LASP1: variants seen among roughly 807,000 people sequenced by gnomAD.
LASP1 encodes the protein LIM and SH3 protein 1.
Under a neutral mutation model 38.6 loss-of-function variants are expected in LASP1, and 10 were observed. The observed-to-expected ratio is 0.26, with a 90% CI of 0.16 to 0.44. The LOEUF (loss-of-function observed/expected upper bound fraction) is 0.44. Ranked by LOEUF, LASP1 falls within the 20% of genes least tolerant of loss-of-function variation. LASP1 has a pLI of 1.00. For missense variants in LASP1, 243 were observed against 375.7 expected (o/e 0.65, Z 2.92); for synonymous variants, 132 against 140.8 (o/e 0.94, Z 0.44).
chr17:38,894,544 G>A (rs1157501344), intron 3 of LASP1, among the ~76,000 whole-genome samples: 1 of 152,156 alleles, frequency 6.6e-6, no homozygotes, highest in African/African-American at 2.4e-5. Context: ...AGGAGGATAT[G>A]TTAAGCATTT....
Position 38,920,021 on chromosome 17 carries a change from G to C in LASP1, c.*1243G>C. 1.9e-6 allele frequency: 1 copy of C among 535,598 alleles called. No homozygotes were observed. The highest frequency in any genetic ancestry group is 3.6e-6 in the Non-Finnish European group (1 of 276,774). The allele number at this position is 535,598 out of a possible 1,614,324, so 33.2% of individuals were successfully genotyped here. On this transcript the variant is annotated 3_prime_UTR_variant, in exon 7 of 7. Coordinates refer to ENST00000318008, the MANE Select transcript of LASP1 (RefSeq NM_006148.4). ...GTGAGAGGGGAGGGCTCCTGGGGCA[G>C]AGAAGTTCCTTAGGTTTTCTTTGGA...
At chr17:38,880,537 C>A (rs1407405505) in intron 2 of LASP1, among the ~76,000 whole-genome samples, 1 of 152,246 alleles carries the variant, frequency 6.6e-6, no homozygotes, top group Non-Finnish European at 1.5e-5. Flanking sequence ...GCTTTTGTAG[C>A]CCTAGCCTCT....
At chr17:38,882,428 A>G (rs1379648399) in intron 2 of LASP1, among the ~76,000 whole-genome samples, 3 of 151,952 alleles carry the variant, frequency 2.0e-5, no homozygotes, top group East Asian at 1.9e-4. Flanking sequence ...TTGTATTTTT[A>G]GTAGAGATGG....
chr17:38,878,047 C>T (rs1176228532), intron 1 of LASP1, 39 bp from the exon 2 acceptor site: 3 of 1,503,528 alleles, frequency 2.0e-6, no homozygotes, highest in Non-Finnish European at 2.8e-6. Flanking sequence ...TTTCAGAAGT[C>T]CTGGTATCTG....
Position 38,919,696 on chromosome 17 carries a change from C to T in LASP1, c.*918C>T, listed in dbSNP as rs932594317. 8 of 357,790 alleles carry T rather than the reference C, an allele frequency of 2.2e-5. No individual in the cohort carries two copies. The highest frequency in any genetic ancestry group is 4.3e-5 in the East Asian group (1 of 23,420). 22.2% of individuals were successfully genotyped at this position (357,790 alleles called of 1,614,324 possible). On this transcript the variant is annotated 3_prime_UTR_variant, in exon 7 of 7. Transcript: ENST00000318008. Reference sequence around the variant, plus strand: ...GCCCCCAGGATCTGGGTTAGGTGGCCGCTCCTCCCTGCTCCTCATGGGAAG... The same window carrying T: ...GCCCCCAGGATCTGGGTTAGGTGGCTGCTCCTCCCTGCTCCTCATGGGAAG...
intron 4 of LASP1, among the ~76,000 whole-genome samples, chr17:38,900,712 A>T (rs985309098): frequency 5.3e-5 from 8 of 152,092 alleles, no homozygotes; most frequent in African/African-American, 1.9e-4. Context: ...ACTTACTGTG[A>T]ATGGGTTTTG....
intron 3 of LASP1, among the ~76,000 whole-genome samples, chr17:38,896,006 G>A (rs1206477767): frequency 1.3e-5 from 2 of 152,084 alleles, no homozygotes; most frequent in Non-Finnish European, 2.9e-5. Context: ...CCTGGCCTGA[G>A]CGACAACTGG....
intron 3 of LASP1, among the ~76,000 whole-genome samples, chr17:38,895,882 C>A (rs1914475006): frequency 6.6e-6 from 1 of 152,134 alleles, no homozygotes; most frequent in Non-Finnish European, 1.5e-5. Flanking sequence ...CAGTCCTGGG[C>A]CTGACAGCAG....
chr17:38,908,504 G>T (rs1288581064), intron 4 of LASP1, among the ~76,000 whole-genome samples: 1 of 152,242 alleles, frequency 6.6e-6, no homozygotes, highest in East Asian at 1.9e-4. Context: ...CCCAGCGGAT[G>T]CTGGGGTCGG....
chr17:38,896,666 C>T (rs775171328), intron 3 of LASP1, among the ~76,000 whole-genome samples: 24 of 152,230 alleles, frequency 1.6e-4, no homozygotes, highest in African/African-American at 2.7e-4. Flanking sequence ...CTCCACAGTG[C>T]GCTGCTGCTT....
At chr17:38,906,527 A>AAAATAAATAAAT (rs60650093) in intron 4 of LASP1, among the ~76,000 whole-genome samples, 18 of 151,236 alleles carry the variant, frequency 1.2e-4, no homozygotes, top group African/African-American at 4.4e-4. Context: ...AGACTGTCTC[A>AAAATAAATAAAT]AAATAAATAA....
At chr17:38,873,283 C>G (rs1254060025) in intron 1 of LASP1, among the ~76,000 whole-genome samples, 1 of 152,126 alleles carries the variant, frequency 6.6e-6, no homozygotes, top group African/African-American at 2.4e-5. Context: ...GTTTTGCTAG[C>G]TGAAGCTTAG....
chr17:38,892,379 C>T (rs1439112611), intron 3 of LASP1, among the ~76,000 whole-genome samples: 1 of 152,158 alleles, frequency 6.6e-6, no homozygotes, highest in Non-Finnish European at 1.5e-5. Context: ...GCTGAAGTTA[C>T]TAGGAAGCAG....
intron 2 of LASP1, among the ~76,000 whole-genome samples, chr17:38,884,934 G>A (rs900213330): frequency 1.3e-5 from 2 of 152,052 alleles, no homozygotes; most frequent in African/African-American, 2.4e-5. Flanking sequence ...CAGATGATCC[G>A]CCCGCTTCGG....
chr17:38,893,767 A>G (rs1257681869), intron 3 of LASP1, among the ~76,000 whole-genome samples: 2 of 152,120 alleles, frequency 1.3e-5, no homozygotes, highest in Non-Finnish European at 2.9e-5. Flanking sequence ...GGAAGGGCTG[A>G]GCCGGCCAGG....
intron 2 of LASP1, among the ~76,000 whole-genome samples, chr17:38,888,427 G>A (rs1285797382): frequency 2.0e-5 from 3 of 151,992 alleles, no homozygotes; most frequent in East Asian, 1.9e-4. Context: ...ACAGCTATGC[G>A]CCACGGTGCC....
chr17:38,887,673 G>A (rs988363114), intron 2 of LASP1, among the ~76,000 whole-genome samples: 4 of 152,148 alleles, frequency 2.6e-5, no homozygotes, highest in Admixed American at 1.3e-4. Context: ...ATCTGGATCC[G>A]GGACAGTGAA....
At position 38,919,810 on chromosome 17, in the gene LASP1, T is replaced by TC. The variant is rs2143842949; in HGVS notation, c.*1034dup. On this transcript the variant is annotated 3_prime_UTR_variant, in exon 7 of 7. Coordinates refer to ENST00000318008, the MANE Select transcript of LASP1 (RefSeq NM_006148.4). ...CAAAGTCAGCAGGGACCACTAAATC[T>TC]CCAAGACCTGGTGTGCGGAGGCAGG... is the stretch of plus-strand genomic sequence containing the variant. 1 of 440,174 alleles carries TC rather than the reference T, an allele frequency of 2.3e-6. No individual in the cohort carries two copies. The highest frequency in any genetic ancestry group is 4.0e-5 in the East Asian group (1 of 24,900). 27.3% of individuals were successfully genotyped at this position (440,174 alleles called of 1,614,324 possible).
chr17:38,898,730 T>A (rs1376791667), intron 4 of LASP1: 2 of 629,478 alleles, frequency 3.2e-6, no homozygotes, highest in African/African-American at 3.6e-5. Context: ...CATTTTCTTC[T>A]TGAAGGGACT....
Sources: allele counts gnomAD v4.1 joint callset (sites outside exome capture counted in the v4.1 genomes callset), GRCh38; gene constraint gnomAD v4.1.1; transcripts MANE v1.5; gene names NCBI Gene and HGNC (gene_info 2026-07-23, HGNC 2026-07-21).